The following MEI4 variants were observed in gnomAD, a reference collection of about 807,000 sequenced individuals.
MEI4 encodes meiosis-specific protein MEI4.
In MEI4, 27 loss-of-function variants were observed where a neutral mutation model predicts 31.4. The ratio of observed to expected loss-of-function variants is 0.86; its 90% confidence interval spans 0.63 to 1.19. The LOEUF is 1.19. MEI4 is among the 50% of genes most tolerant of loss of function. MEI4 has a pLI of 0.00. For missense variants in MEI4, 329 were observed against 398.9 expected (o/e 0.82, Z 1.49); for synonymous variants, 122 against 145.4 (o/e 0.84, Z 1.16).
intron 2 of MEI4, among the ~76,000 whole-genome samples, chr6:77,699,006 A>G (rs1352861339): frequency 6.6e-6 from 1 of 151,492 alleles, no homozygotes; most frequent in Non-Finnish European, 1.5e-5. Context: ...TTCTCGCTTC[A>G]TTTCATTCAT....
At chr6:77,766,182 A>G (rs1768170695) in intron 3 of MEI4, among the ~76,000 whole-genome samples, 1 of 152,146 alleles carries the variant, frequency 6.6e-6, no homozygotes, top group Non-Finnish European at 1.5e-5. Flanking sequence ...TTTCTGTTTT[A>G]ATTATGGGAA....
At chr6:77,691,916 GA>G (rs11464065) in intron 2 of MEI4, among the ~76,000 whole-genome samples, 1 of 150,438 alleles carries the variant, frequency 6.6e-6, no homozygotes, top group Non-Finnish European at 1.5e-5. Context: ...TGGCAAGTTA[GA>G]AAAAAAAACA....
intron 4 of MEI4, among the ~76,000 whole-genome samples, chr6:77,855,005 C>G (rs993468696): frequency 6.6e-6 from 1 of 151,946 alleles, no homozygotes; most frequent in African/African-American, 2.4e-5. Flanking sequence ...GCGGTTAGCC[C>G]TTCCTGTATG....
chr6:77,883,745 A>ATATATATATATATATCTATCTAT (rs55947073), intron 4 of MEI4, among the ~76,000 whole-genome samples: 16 of 82,308 alleles, frequency 1.9e-4, no homozygotes, highest in African/African-American at 7.4e-4. Context: ...TATATATATA[A>ATATATATATATATATCTATCTAT]CTTTGTCTTT....
At chr6:77,728,470 G>C (rs1766885110) in intron 2 of MEI4, among the ~76,000 whole-genome samples, 2 of 152,104 alleles carry the variant, frequency 1.3e-5, no homozygotes, top group Admixed American at 1.3e-4. Context: ...TTTGATTTCT[G>C]GAAGTCTACC....
chr6:77,670,827 A>G (rs1161213927), intron 1 of MEI4, among the ~76,000 whole-genome samples: 1 of 152,082 alleles, frequency 6.6e-6, no homozygotes, highest in Non-Finnish European at 1.5e-5. Flanking sequence ...AAATACATAC[A>G]TTTTACTTAT....
At chr6:77,665,021 A>T (rs1043660671) in intron 1 of MEI4, among the ~76,000 whole-genome samples, 2 of 151,846 alleles carry the variant, frequency 1.3e-5, no homozygotes, top group Admixed American at 1.3e-4. Context: ...GCCTGTAGTG[A>T]AGGAAGCAAG....
At chr6:77,825,094 G>A (rs920396133) in intron 3 of MEI4, among the ~76,000 whole-genome samples, 1 of 152,052 alleles carries the variant, frequency 6.6e-6, no homozygotes, top group Non-Finnish European at 1.5e-5. Flanking sequence ...ATAATTTGAT[G>A]TATCTGATAT....
chr6:77,853,308 A>G (rs938192607), intron 4 of MEI4, among the ~76,000 whole-genome samples: 22 of 152,350 alleles, frequency 1.4e-4, no homozygotes, highest in African/African-American at 5.3e-4. Context: ...CAGAACATCA[A>G]GAGAAAATAA....
At position 77,775,507 on chromosome 6, in the gene MEI4, C is replaced by T. The variant is rs1158270385; in HGVS notation, c.768+13842C>T. On this transcript the variant is annotated intron_variant, in intron 3 of 4. Transcript: ENST00000684080. ...ATACCATCCAGGTTGATGTGAATGC[C>T]ATTATTTCATTCCTTTTTATGGCTG... Among the ~76,000 whole-genome samples, 3 of 152,092 alleles carry T rather than the reference C, an allele frequency of 2.0e-5. No homozygotes were observed. In the East Asian group the frequency reaches 5.8e-4, roughly 29 times the overall value.
intron 2 of MEI4, among the ~76,000 whole-genome samples, chr6:77,696,457 G>C (rs1357589257): frequency 6.6e-6 from 1 of 152,062 alleles, no homozygotes; most frequent in Non-Finnish European, 1.5e-5. Flanking sequence ...CTAATTTATT[G>C]AGAGTTTTTA....
At chr6:77,901,149 T>A (rs1311222244) in intron 4 of MEI4, among the ~76,000 whole-genome samples, 3 of 152,048 alleles carry the variant, frequency 2.0e-5, no homozygotes, top group Admixed American at 2.0e-4. Context: ...CCTATGTTGG[T>A]TGTTGTGAAT....
intron 3 of MEI4, among the ~76,000 whole-genome samples, chr6:77,788,173 G>A (rs182798343): frequency 6.6e-6 from 1 of 152,292 alleles, no homozygotes; most frequent in East Asian, 1.9e-4. Context: ...CTCAATAGAT[G>A]CAGAAAAGGC....
At chr6:77,791,643 G>T (rs1055629290) in intron 3 of MEI4, among the ~76,000 whole-genome samples, 27 of 147,924 alleles carry the variant, frequency 1.8e-4, no homozygotes, top group Admixed American at 4.8e-4. Context: ...TAACTAACCT[G>T]CACAATGTGC....
chr6:77,788,175 A>G (rs1184333227), intron 3 of MEI4, among the ~76,000 whole-genome samples: 1 of 152,238 alleles, frequency 6.6e-6, no homozygotes, highest in Non-Finnish European at 1.5e-5. Flanking sequence ...CAATAGATGC[A>G]GAAAAGGCCT....
At chr6:77,794,602 A>G (rs190269848) in intron 3 of MEI4, among the ~76,000 whole-genome samples, 1 of 152,120 alleles carries the variant, frequency 6.6e-6, no homozygotes, top group Non-Finnish European at 1.5e-5. Flanking sequence ...ACGTAAATAT[A>G]TTTTAGTTAC....
At chr6:77,767,792 T>G (rs1294884043) in intron 3 of MEI4, among the ~76,000 whole-genome samples, 1 of 152,156 alleles carries the variant, frequency 6.6e-6, no homozygotes, top group Non-Finnish European at 1.5e-5. Context: ...AGTTGTATCA[T>G]AAACCAAAAT....
At chr6:77,819,953 G>A (rs1355315561) in intron 3 of MEI4, among the ~76,000 whole-genome samples, 1 of 151,964 alleles carries the variant, frequency 6.6e-6, no homozygotes, top group African/African-American at 2.4e-5. Context: ...ACTTTTACGT[G>A]TACCTGCTTT....
intron 4 of MEI4, among the ~76,000 whole-genome samples, chr6:77,917,025 G>GT (rs1384865125): frequency 6.6e-6 from 1 of 150,710 alleles, no homozygotes; most frequent in African/African-American, 2.4e-5. Flanking sequence ...GCGGTGTTTG[G>GT]TTTTTTGTTC....
Sources: gnomAD v4.1 joint callset for allele counts (sites outside exome capture counted in the v4.1 genomes callset) on GRCh38, gnomAD v4.1.1 for gene constraint, MANE v1.5 for transcripts, NCBI Gene and HGNC (gene_info 2026-07-23, HGNC 2026-07-21) for gene names.